The following SPAG1 variants were observed in gnomAD, a reference collection of about 807,000 sequenced individuals.
SPAG1 encodes sperm-associated antigen 1.
SPAG1 carries 69 observed loss-of-function variants against 100.5 expected under a neutral mutation model. That is an observed-to-expected ratio of 0.69 (90% CI 0.57 to 0.84). The LOEUF is 0.84. Ranked by LOEUF, SPAG1 falls within the 40% of genes least tolerant of loss-of-function variation. The probability of loss-of-function intolerance (pLI) is 0.00; values close to 1 mark genes in which losing one functional copy is unlikely to be tolerated. For missense variants in SPAG1, 955 were observed against 1,133.1 expected (o/e 0.84, Z 2.26); for synonymous variants, 336 against 411.6 (o/e 0.82, Z 2.22).
intron 14 of SPAG1, among the ~76,000 whole-genome samples, chr8:100,229,386 C>T (rs752519329): frequency 3.9e-4 from 59 of 152,182 alleles, no homozygotes; most frequent in Non-Finnish European, 5.3e-4. Context: ...CGCCACCCAC[C>T]GCACTCCAGC....
intron 12 of SPAG1, among the ~76,000 whole-genome samples, chr8:100,216,911 T>C (rs946757432): frequency 1.3e-5 from 2 of 151,604 alleles, no homozygotes; most frequent in Non-Finnish European, 2.9e-5. Context: ...ATCTTTGCTC[T>C]TTGGAGAGTT....
At position 100,216,009 on chromosome 8, in the gene SPAG1, C is replaced by T. The variant is rs147625013; in HGVS notation, c.1535+2091C>T. On this transcript the variant is annotated intron_variant, in intron 12 of 18. Coordinates refer to ENST00000388798, the MANE Select transcript of SPAG1 (RefSeq NM_003114.5). Reference sequence around the variant, plus strand: ...GCTGGCTCACACTCGCTAATCATTACATTTTTCAGGATTTTGTGAGCTGGT... The same window carrying T: ...GCTGGCTCACACTCGCTAATCATTATATTTTTCAGGATTTTGTGAGCTGGT... Among the ~76,000 whole-genome samples, 421 of 152,332 alleles carry T rather than the reference C, an allele frequency of 2.8e-3. 3 individuals carry two copies. The highest frequency in any genetic ancestry group is 4.9e-3 in the Non-Finnish European group (332 of 68,028).
chr8:100,229,441 A>C (rs1563812330), intron 14 of SPAG1, among the ~76,000 whole-genome samples: 1 of 151,242 alleles, frequency 6.6e-6, no homozygotes. Flanking sequence ...AAAACAAAAC[A>C]AAACAAAAAA....
intron 3 of SPAG1, among the ~76,000 whole-genome samples, chr8:100,175,372 C>T (rs898169625): frequency 5.3e-5 from 8 of 150,322 alleles, no homozygotes; most frequent in African/African-American, 2.0e-4. Flanking sequence ...GCAAGCTCTG[C>T]CTCCCAAGTT....
chr8:100,225,456 A>C, intron 14 of SPAG1, 117 bp downstream of exon 14: 2 of 885,560 alleles, frequency 2.3e-6, no homozygotes, highest in Non-Finnish European at 3.4e-6. Context: ...GTTTAAGTGA[A>C]GTCCCTGTTC....
At chr8:100,213,013 C>CCCCGCGGCCT (rs1554658870) in intron 10 of SPAG1, 77 bp from the exon 11 acceptor site, 158 of 1,056,174 alleles carry the variant, frequency 1.5e-4, no homozygotes, top group African/African-American at 6.4e-4. Context: ...GTCCTGCACC[C>CCCCGCGGCCT]CCGCGGCCTC....
chr8:100,210,019 C>T (rs893142118), intron 10 of SPAG1, among the ~76,000 whole-genome samples: 2 of 151,984 alleles, frequency 1.3e-5, no homozygotes, highest in South Asian at 4.1e-4. Context: ...CAGTCTACAA[C>T]TTTTAGTACA....
intron 13 of SPAG1, among the ~76,000 whole-genome samples, chr8:100,222,519 C>T (rs569176644): frequency 6.6e-6 from 1 of 152,236 alleles, no homozygotes; most frequent in East Asian, 1.9e-4. Flanking sequence ...GCTTTTAATT[C>T]GCCCCATCCT....
At chr8:100,240,229 TC>T (rs1819195524) in intron 17 of SPAG1, among the ~76,000 whole-genome samples, 173 bp from the exon 18 acceptor site, 1 of 152,220 alleles carries the variant, frequency 6.6e-6, no homozygotes, top group Non-Finnish European at 1.5e-5. Context: ...ATGAATTGGA[TC>T]TTACACCCTA....
chr8:100,191,858 G>A (rs758656976), intron 9 of SPAG1, among the ~76,000 whole-genome samples: 7 of 152,106 alleles, frequency 4.6e-5, no homozygotes, highest in Admixed American at 1.3e-4. Flanking sequence ...TCTTTGTAAT[G>A]AGCATGGTAG....
intron 17 of SPAG1, 126 bp from the exon 18 acceptor site, chr8:100,240,277 T>C (rs1481958875): frequency 1.2e-6 from 1 of 809,216 alleles, no homozygotes; most frequent in East Asian, 2.7e-5. Context: ...TACAAAGTTT[T>C]CACTTGGAAC....
At chr8:100,227,520 T>C (rs999866965) in intron 14 of SPAG1, among the ~76,000 whole-genome samples, 10 of 152,196 alleles carry the variant, frequency 6.6e-5, no homozygotes, top group African/African-American at 2.4e-4. Context: ...AGGGAAATTA[T>C]GGAGATCTGT....
chr8:100,179,833 A>G (rs1816288268), intron 4 of SPAG1, among the ~76,000 whole-genome samples: 1 of 152,222 alleles, frequency 6.6e-6, no homozygotes, highest in Non-Finnish European at 1.5e-5. Flanking sequence ...TGCATAGTCA[A>G]ATATGATGGT....
chr8:100,184,645 A>G lies in SPAG1; in HGVS notation c.613A>G (p.Lys205Glu). ...ATTTCTAGGTCTAACTGAGAAAGAAAAGGATTTTCTTGCCACTCGTGAAAA... is the reference window on the plus strand; with the variant it reads ...ATTTCTAGGTCTAACTGAGAAAGAAGAGGATTTTCTTGCCACTCGTGAAAA... ...IDTAGLTEKE[K>E]DFLATREKEK... is the part of the protein sequence containing the mutation. The change falls in exon 7 of 19, where the codon AAG becomes GAG. Residue 205 changes from lysine to glutamate, a missense_variant. Transcript: ENST00000388798. 1 of 1,574,592 alleles carries G rather than the reference A, an allele frequency of 6.4e-7. No individual in the cohort carries two copies. The highest frequency in any genetic ancestry group is 1.2e-5 in the South Asian group (1 of 83,940).
In SPAG1 at chr8:100,240,415, A is replaced by G. The variant is rs1819207152; in HGVS notation, c.2293A>G (p.Lys765Glu). ...TTTCTTCATGAAGGTGAATGAAGGC[A>G]AGGAGGAGCCTGGAAGACCTGCAGG... ...KIEIQEVNEG[K>E]EEPGRPAGEV... The change falls in exon 18 of 19, where the codon AAG becomes GAG. Residue 765 changes from lysine to glutamate, a missense_variant. Transcript: ENST00000388798. 2 of 1,595,706 alleles carry G rather than the reference A, an allele frequency of 1.3e-6. No homozygotes were observed. The highest frequency in any genetic ancestry group is 1.4e-5 in the African/African-American group (1 of 73,526).
chr8:100,240,913 A>C lies in SPAG1; in HGVS notation c.2672A>C (p.Lys891Thr). 6.2e-7 allele frequency: 1 copy of C among 1,606,382 alleles called. No homozygotes were observed. Among genetic ancestry groups the C allele is most frequent in the Non-Finnish European group, 8.5e-7 (1 of 1,177,802 alleles). ...TAGATGATGTTGACACTAATTAGCA[A>C]GGGCCAAAAGGAGCTAATTGAACAG... ...RFKMMLTLISKGQKELIEQLF... is the reference protein window; with the variant it reads ...RFKMMLTLISTGQKELIEQLF... The change falls in exon 19 of 19, where the codon AAG becomes ACG. Residue 891 changes from lysine to threonine, a missense_variant. Coordinates refer to ENST00000388798, the MANE Select transcript of SPAG1 (RefSeq NM_003114.5).
chr8:100,177,552 C>G (rs775077018), intron 3 of SPAG1, among the ~76,000 whole-genome samples: 2 of 151,892 alleles, frequency 1.3e-5, no homozygotes, highest in Non-Finnish European at 2.9e-5. Context: ...AATGATAAAA[C>G]AGACTAGTAT....
intron 3 of SPAG1, among the ~76,000 whole-genome samples, chr8:100,167,560 A>G (rs1292068228): frequency 2.0e-5 from 3 of 152,230 alleles, no homozygotes; most frequent in East Asian, 3.8e-4. Context: ...AACCACAGAA[A>G]GCAAAATTAC....
intron 4 of SPAG1, among the ~76,000 whole-genome samples, chr8:100,182,040 A>T (rs1249042604): frequency 6.6e-6 from 1 of 152,216 alleles, no homozygotes; most frequent in Non-Finnish European, 1.5e-5. Context: ...ACCTGAGCCT[A>T]ATGAGAATGA....
Sources: gnomAD v4.1 joint callset for allele counts (sites outside exome capture counted in the v4.1 genomes callset) on GRCh38, gnomAD v4.1.1 for gene constraint, MANE v1.5 for transcripts, NCBI Gene and HGNC (gene_info 2026-07-23, HGNC 2026-07-21) for gene names.